KCNN2: variants seen among roughly 807,000 people sequenced by gnomAD.
KCNN2 encodes small conductance calcium-activated potassium channel protein 2.
In KCNN2, 24 loss-of-function variants were observed where a neutral mutation model predicts 55.5. The observed-to-expected ratio is 0.43, with a 90% confidence interval of 0.31 to 0.61. The LOEUF (loss-of-function observed/expected upper bound fraction) is 0.61. Among genes scored for constraint, KCNN2 ranks in the 20% least tolerant of loss-of-function variants. The pLI, the probability that KCNN2 is intolerant of heterozygous loss-of-function variation, is 0.08. For synonymous variants in KCNN2, 431 were observed against 336.1 expected (o/e 1.28, Z -3.09); for missense variants, 754 against 853.6 (o/e 0.88, Z 1.45).
intron 2 of KCNN2, among the ~76,000 whole-genome samples, chr5:114,366,232 A>G (rs1366157783): frequency 6.6e-6 from 1 of 152,220 alleles, no homozygotes; most frequent in Non-Finnish European, 1.5e-5. Context: ...GAAAAATGAC[A>G]TGGAATGACT....
At chr5:114,084,119 T>C (rs1248874498) in intron 1 of KCNN2, among the ~76,000 whole-genome samples, 2 of 152,140 alleles carry the variant, frequency 1.3e-5, no homozygotes, top group Non-Finnish European at 2.9e-5. Flanking sequence ...TTGGCAAATA[T>C]GAATAAAGCT....
intron 3 of KCNN2, among the ~76,000 whole-genome samples, chr5:114,448,020 C>G (rs910850918): frequency 3.3e-5 from 5 of 152,034 alleles, no homozygotes; most frequent in Non-Finnish European, 7.4e-5. Context: ...TGCTGGAAAA[C>G]AAGGCTGGCT....
intron 2 of KCNN2, among the ~76,000 whole-genome samples, chr5:114,313,024 C>T (rs62382910): frequency 0.1 from 15,723 of 152,070 alleles, 1,017 homozygotes; most frequent in Middle Eastern, 0.21. Context: ...TTGTTTTGAT[C>T]TCTGTAGAAA....
At chr5:114,112,909 C>T (rs1327876680) in intron 1 of KCNN2, among the ~76,000 whole-genome samples, 1 of 151,944 alleles carries the variant, frequency 6.6e-6, no homozygotes, top group Non-Finnish European at 1.5e-5. Context: ...TATAATTCCT[C>T]TTTTTGGGTA....
intron 1 of KCNN2, among the ~76,000 whole-genome samples, chr5:114,089,411 A>C (rs1424952482): frequency 6.6e-6 from 1 of 152,128 alleles, no homozygotes; most frequent in Non-Finnish European, 1.5e-5. Flanking sequence ...CCAGCACTGG[A>C]ATGTCTCCCA....
At chr5:114,274,747 G>A (rs1369307434) in intron 2 of KCNN2, among the ~76,000 whole-genome samples, 6 of 152,116 alleles carry the variant, frequency 3.9e-5, no homozygotes, top group African/African-American at 1.4e-4. Context: ...TGAGACGATG[G>A]AGTTTTCTAA....
intron 2 of KCNN2, among the ~76,000 whole-genome samples, chr5:114,249,316 C>T (rs1207777651): frequency 2.0e-5 from 3 of 148,228 alleles, no homozygotes; most frequent in Non-Finnish European, 4.5e-5. Flanking sequence ...GGGAATCTGG[C>T]TCTGTCACCT....
chr5:114,482,525 G>A (rs1561412528), intron 5 of KCNN2, among the ~76,000 whole-genome samples: 1 of 152,014 alleles, frequency 6.6e-6, no homozygotes, highest in Non-Finnish European at 1.5e-5. Flanking sequence ...CTCATTACTG[G>A]GTACATACCC....
At chr5:114,142,872 G>T (rs548002215) in intron 1 of KCNN2, among the ~76,000 whole-genome samples, 378 of 152,196 alleles carry the variant, frequency 2.5e-3, no homozygotes, top group African/African-American at 8.8e-3. Flanking sequence ...CTACTTTAAA[G>T]TTCATATGGA....
At chr5:114,208,643 A>G (rs528652131) in intron 1 of KCNN2, among the ~76,000 whole-genome samples, 1 of 152,312 alleles carries the variant, frequency 6.6e-6, no homozygotes, top group South Asian at 2.1e-4. Flanking sequence ...GGTGAAGCTC[A>G]GGTATATGAT....
chr5:114,473,585 A>C (rs1761846139), intron 5 of KCNN2, among the ~76,000 whole-genome samples: 1 of 152,164 alleles, frequency 6.6e-6, no homozygotes, highest in South Asian at 2.1e-4. Context: ...AGAAACCACC[A>C]CTAACTTTTA....
intron 2 of KCNN2, among the ~76,000 whole-genome samples, chr5:114,398,210 G>T (rs1758679210): frequency 6.6e-6 from 1 of 152,132 alleles, no homozygotes. Context: ...TTTGTATATT[G>T]TATAAAGAAG....
intron 3 of KCNN2, among the ~76,000 whole-genome samples, chr5:114,434,379 G>A (rs1026968458): frequency 4.0e-5 from 6 of 151,690 alleles, no homozygotes; most frequent in Non-Finnish European, 7.4e-5. Flanking sequence ...TTATTCTTGC[G>A]TGCTGCCTCT....
chr5:114,207,373 A>T (rs915388790), intron 1 of KCNN2, among the ~76,000 whole-genome samples: 38 of 152,218 alleles, frequency 2.5e-4, no homozygotes, highest in African/African-American at 8.2e-4. Context: ...GAAAGGAAGA[A>T]TAGAAAATGG....
chr5:114,123,358 T>TGTCAGATCAAATAAAAAGG (rs1561484987), intron 1 of KCNN2, among the ~76,000 whole-genome samples: 3 of 49,730 alleles, frequency 6.0e-5, no homozygotes, highest in South Asian at 6.2e-4. Context: ...TTAATTTTTT[T>TGTCAGATCAAATAAAAAGG]TTTTTTTTTT....
At chr5:114,365,614 A>G (rs1023825078) in intron 2 of KCNN2, among the ~76,000 whole-genome samples, 10 of 152,308 alleles carry the variant, frequency 6.6e-5, no homozygotes, top group Admixed American at 3.9e-4. Flanking sequence ...CCTAGCTTCC[A>G]GGCCATAATG....
chr5:114,127,194 A>T (rs1023267541), intron 1 of KCNN2, among the ~76,000 whole-genome samples: 4 of 152,104 alleles, frequency 2.6e-5, no homozygotes, highest in African/African-American at 9.7e-5. Flanking sequence ...TCACAGCCCC[A>T]CTAAGCATTG....
chr5:114,305,181 C>T (rs1330046459), intron 2 of KCNN2, among the ~76,000 whole-genome samples: 3 of 152,102 alleles, frequency 2.0e-5, no homozygotes, highest in Admixed American at 2.0e-4. Flanking sequence ...TTGGTAGGGG[C>T]AGGGGGTAGT....
chr5:114,069,778 A>G (rs999256320), intron 1 of KCNN2, among the ~76,000 whole-genome samples: 10 of 152,270 alleles, frequency 6.6e-5, no homozygotes, highest in Admixed American at 6.5e-5. Context: ...GCCCACCACA[A>G]TGATCCCAAT....
Sources: gnomAD v4.1 joint callset for allele counts (sites outside exome capture counted in the v4.1 genomes callset) on GRCh38, gnomAD v4.1.1 for gene constraint, MANE v1.5 for transcripts, NCBI Gene and HGNC (gene_info 2026-07-23, HGNC 2026-07-21) for gene names.